Variants in LGR5 observed in about 807,000 individuals in gnomAD.
LGR5 encodes the protein leucine-rich repeat-containing G protein-coupled receptor 5.
LGR5 carries 54 observed loss-of-function variants against 76.7 expected under a neutral mutation model. The observed-to-expected ratio is 0.70, with a 90% confidence interval of 0.57 to 0.88. The LOEUF (loss-of-function observed/expected upper bound fraction) is 0.88. LGR5 is among the 40% of genes least tolerant of loss of function. LGR5 has a pLI of 0.00. For missense variants in LGR5, 1,078 were observed against 1,073.3 expected (o/e 1.00, Z -0.06); for synonymous variants, 406 against 421.9 (o/e 0.96, Z 0.46).
intron 16 of LGR5, 86 bp downstream of exon 16, chr12:71,580,509 G>A (rs1005470330): frequency 1.9e-5 from 26 of 1,387,984 alleles, no homozygotes; most frequent in Middle Eastern, 1.8e-4. Context: ...AAAAGTCATC[G>A]AACAGGCCGG....
intron 3 of LGR5, among the ~76,000 whole-genome samples, chr12:71,525,176 G>GA (rs1565719975): frequency 6.6e-6 from 1 of 151,564 alleles, no homozygotes; most frequent in South Asian, 2.1e-4. Context: ...GTTTATCTCA[G>GA]AAAAAAAATC....
At chr12:71,520,287 A>T (rs1488373576) in intron 2 of LGR5, among the ~76,000 whole-genome samples, 1 of 152,228 alleles carries the variant, frequency 6.6e-6, no homozygotes, top group Non-Finnish European at 1.5e-5. Flanking sequence ...GCTTAGTGAA[A>T]TAAGTCAGAT....
intron 1 of LGR5, among the ~76,000 whole-genome samples, chr12:71,461,184 C>G (rs1014781527): frequency 2.0e-5 from 3 of 152,158 alleles, no homozygotes; most frequent in Non-Finnish European, 4.4e-5. Context: ...TCCCTCATAT[C>G]TCAGAAGGGA....
intron 13 of LGR5, 102 bp from the exon 14 acceptor site, chr12:71,577,823 A>G: frequency 1.3e-6 from 1 of 752,810 alleles, no homozygotes; most frequent in Non-Finnish European, 2.3e-6. Flanking sequence ...TCTGATCTGA[A>G]TGGAAATTAA....
In LGR5 at chr12:71,582,549, G is replaced by A. The variant is rs374447530; in HGVS notation, c.1636+10G>A. ...TGTTCACCTTCCCCAGGTGAGAAAGGCATCAAAAATTCCTCAACGGCAGTA... is the reference window on the plus strand; with the variant it reads ...TGTTCACCTTCCCCAGGTGAGAAAGACATCAAAAATTCCTCAACGGCAGTA... On this transcript the variant is annotated intron_variant, in intron 17 of 17. Transcript: ENST00000266674. 6.2e-6 allele frequency: 10 copies of A among 1,605,426 alleles called. No homozygotes were observed. The African/African-American group carries it at 1.3e-4, about 21-fold the overall frequency.
intron 1 of LGR5, among the ~76,000 whole-genome samples, chr12:71,447,495 T>A (rs563479834): frequency 6.6e-6 from 1 of 152,328 alleles, no homozygotes; most frequent in Middle Eastern, 3.4e-3. Context: ...ACTCTCATAC[T>A]CCAGCTTTTT....
chr12:71,543,163 C>T (rs930254376), intron 4 of LGR5, among the ~76,000 whole-genome samples: 1 of 152,176 alleles, frequency 6.6e-6, no homozygotes, highest in African/African-American at 2.4e-5. Flanking sequence ...GGGCCATAGG[C>T]TAGACAGCCA....
At chr12:71,487,489 A>C (rs1216864607) in intron 1 of LGR5, among the ~76,000 whole-genome samples, 1 of 152,130 alleles carries the variant, frequency 6.6e-6, no homozygotes, top group Non-Finnish European at 1.5e-5. Context: ...ATCATAGCTC[A>C]CTGCGGCCTC....
chr12:71,496,587 C>G (rs186776086), intron 1 of LGR5, among the ~76,000 whole-genome samples: 2 of 151,998 alleles, frequency 1.3e-5, no homozygotes, highest in Non-Finnish European at 2.9e-5. Flanking sequence ...CAGATATGTA[C>G]CTAACAAATA....
At chr12:71,504,146 TG>T (rs1874742174) in intron 1 of LGR5, among the ~76,000 whole-genome samples, 3 of 152,148 alleles carry the variant, frequency 2.0e-5, no homozygotes, top group Non-Finnish European at 2.9e-5. Flanking sequence ...TTGTTGTTGT[TG>T]TTTTAAATTT....
chr12:71,453,187 A>C (rs1266030350), intron 1 of LGR5, among the ~76,000 whole-genome samples: 1 of 152,246 alleles, frequency 6.6e-6, no homozygotes, highest in Non-Finnish European at 1.5e-5. Flanking sequence ...GGCATCACCC[A>C]ACAACTGTTA....
At chr12:71,533,749 CA>C (rs1222915759) in intron 3 of LGR5, among the ~76,000 whole-genome samples, 1 of 152,190 alleles carries the variant, frequency 6.6e-6, no homozygotes, top group African/African-American at 2.4e-5. Flanking sequence ...ATTGAATCAT[CA>C]CAATGAGCCC....
chr12:71,496,365 C>A, intron 1 of LGR5, among the ~76,000 whole-genome samples: 1 of 74,564 alleles, frequency 1.3e-5, no homozygotes, highest in African/African-American at 7.8e-5. Context: ...AAGACTCCAT[C>A]TCAACAAAAA....
intron 4 of LGR5, among the ~76,000 whole-genome samples, chr12:71,552,242 A>G (rs1482810254): frequency 1.3e-5 from 2 of 152,104 alleles, no homozygotes; most frequent in Non-Finnish European, 2.9e-5. Flanking sequence ...CCCAGAACTT[A>G]AAGTAAAATA....
chr12:71,570,461 G>A (rs1245608500), intron 11 of LGR5, among the ~76,000 whole-genome samples: 2 of 152,140 alleles, frequency 1.3e-5, no homozygotes, highest in Non-Finnish European at 2.9e-5. Context: ...TTTGCAGCCT[G>A]CAGAGATGAG....
intron 8 of LGR5, among the ~76,000 whole-genome samples, chr12:71,565,230 C>CATT (rs1878280486): frequency 6.6e-6 from 1 of 151,788 alleles, no homozygotes; most frequent in African/African-American, 2.4e-5. Context: ...GTTACACATG[C>CATT]ATTAGCTCTT....
intron 4 of LGR5, among the ~76,000 whole-genome samples, chr12:71,535,718 C>T (rs1160930704): frequency 6.6e-6 from 1 of 152,092 alleles, no homozygotes; most frequent in Non-Finnish European, 1.5e-5. Context: ...CATCACAGAA[C>T]ACAGATGTGC....
Position 71,499,403 on chromosome 12 carries a change from A to C in LGR5, c.213-5211A>C, listed in dbSNP as rs140793088. On this transcript the variant is annotated intron_variant, in intron 1 of 17. Coordinates refer to ENST00000266674, the MANE Select transcript of LGR5 (RefSeq NM_003667.4). ...AATTTGGAAATGGAGAGGATAATGC[A>C]TTCCAGGGAAGAGAACCACACATGT... Among the ~76,000 whole-genome samples the C allele has an allele frequency of 3.0e-3, 459 of 152,270 alleles. 4 individuals are homozygous for C. The highest frequency in any genetic ancestry group is 0.01 in the African/African-American group (433 of 41,544).
chr12:71,579,055 C>T (rs1878983081), intron 15 of LGR5, 126 bp downstream of exon 15: 1 of 790,122 alleles, frequency 1.3e-6, no homozygotes, highest in African/African-American at 1.8e-5. Context: ...GCCCTCAAGT[C>T]TCCTAACCCT....
Sources: allele counts gnomAD v4.1 joint callset (sites outside exome capture counted in the v4.1 genomes callset), GRCh38; gene constraint gnomAD v4.1.1; transcripts MANE v1.5; gene names NCBI Gene and HGNC (gene_info 2026-07-23, HGNC 2026-07-21).